CYTH3: variants seen among roughly 807,000 people sequenced by gnomAD.
CYTH3 encodes the protein cytohesin 3, also known as cytohesin-3.
A neutral mutation model predicts 55.1 loss-of-function variants in CYTH3; 23 were observed. The ratio of observed to expected loss-of-function variants is 0.42; its 90% CI spans 0.30 to 0.59. The LOEUF (loss-of-function observed/expected upper bound fraction) is 0.59, where lower values mean the gene tolerates loss of function less well. Ranked by LOEUF, CYTH3 falls within the 20% of genes least tolerant of loss-of-function variation. The pLI, the probability that CYTH3 is intolerant of heterozygous loss-of-function variation, is 0.20. For synonymous variants in CYTH3, 249 were observed against 194.9 expected (o/e 1.28, Z -2.31); for missense variants, 413 against 524.8 (o/e 0.79, Z 2.08).
rs1780551539 is a variant in CYTH3, at chr7:6,268,132, G to A, written c.34+4342C>T. 2.0e-5 allele frequency among the ~76,000 whole-genome samples: 3 copies of A among 152,106 alleles called. No individual in the cohort carries two copies. In the South Asian group the frequency reaches 6.2e-4, roughly 32 times the overall value. The stretch of plus-strand genomic sequence containing the variant: ...CCTCTTTCAAAACACAAGAATGGGA[G>A]CACGCAATGCACACTTTCCTACACT... On this transcript the variant is annotated intron_variant, in intron 1 of 12. Coordinates refer to ENST00000350796, the MANE Select transcript of CYTH3 (RefSeq NM_004227.4).
At chr7:6,252,195 A>G (rs1478105050) in intron 1 of CYTH3, among the ~76,000 whole-genome samples, 1 of 151,864 alleles carries the variant, frequency 6.6e-6, no homozygotes, top group Non-Finnish European at 1.5e-5. Context: ...CTACTGAACA[A>G]ATTTAAGAGA....
chr7:6,240,339 T>C (rs1779642996), intron 1 of CYTH3, among the ~76,000 whole-genome samples: 1 of 151,388 alleles, frequency 6.6e-6, no homozygotes, highest in Non-Finnish European at 1.5e-5. Context: ...CTGTTTCTTT[T>C]CTGTTGATGA....
chr7:6,255,163 CTT>C (rs1780065420), intron 1 of CYTH3, among the ~76,000 whole-genome samples: 1 of 152,072 alleles, frequency 6.6e-6, no homozygotes, highest in African/African-American at 2.4e-5. Context: ...GATTAAGTAA[CTT>C]ACACAAAATC....
In CYTH3 at chr7:6,248,571, T is replaced by C. The variant is rs562841693; in HGVS notation, c.34+23903A>G. Among the ~76,000 whole-genome samples, 6 of 152,252 alleles carry C rather than the reference T, an allele frequency of 3.9e-5. No homozygotes were observed. The South Asian group carries it at 1.2e-3, about 32-fold the overall frequency. On this transcript the variant is annotated intron_variant, in intron 1 of 12. Transcript: ENST00000350796. ...TGGCGCCCAGGAGAAGCTCTAGCAGTTTTGAGCGTGTTGAAGCCGCGTGTG... is the reference window on the plus strand; with the variant it reads ...TGGCGCCCAGGAGAAGCTCTAGCAGCTTTGAGCGTGTTGAAGCCGCGTGTG...
At chr7:6,231,018 C>A (rs1198257639) in intron 1 of CYTH3, among the ~76,000 whole-genome samples, 1 of 152,182 alleles carries the variant, frequency 6.6e-6, no homozygotes, top group Non-Finnish European at 1.5e-5. Flanking sequence ...ACTTTCCCCA[C>A]AGTCACCCCA....
chr7:6,245,321 A>T (rs1779781786), intron 1 of CYTH3, among the ~76,000 whole-genome samples: 1 of 152,198 alleles, frequency 6.6e-6, no homozygotes, highest in Admixed American at 6.5e-5. Context: ...TTTCATTTTG[A>T]TACCTAAATT....
intron 1 of CYTH3, among the ~76,000 whole-genome samples, chr7:6,192,889 G>T (rs765519621): frequency 2.6e-5 from 4 of 151,866 alleles, no homozygotes; most frequent in African/African-American, 9.7e-5. Context: ...GGGCAAATGG[G>T]GCCAGACACA....
At chr7:6,182,056 G>C (rs1423280197) in intron 4 of CYTH3, among the ~76,000 whole-genome samples, 3 of 151,158 alleles carry the variant, frequency 2.0e-5, no homozygotes, top group Non-Finnish European at 3.0e-5. Context: ...ATTTTGTTTT[G>C]TTTTTTTTGA....
chr7:6,219,968 A>C (rs753596667), intron 1 of CYTH3, among the ~76,000 whole-genome samples: 2 of 152,180 alleles, frequency 1.3e-5, no homozygotes, highest in Non-Finnish European at 2.9e-5. Flanking sequence ...CACACAGATG[A>C]ATGGAACAGA....
intron 1 of CYTH3, among the ~76,000 whole-genome samples, chr7:6,263,936 G>A (rs538881041): frequency 1.5e-4 from 22 of 149,618 alleles, no homozygotes; most frequent in Non-Finnish European, 2.5e-4. Flanking sequence ...GTGTGATCTC[G>A]GCTTTATAAT....
rs1267108723 is a variant in CYTH3, at chr7:6,234,568, T to A, written c.34+37906A>T. On this transcript the variant is annotated intron_variant, in intron 1 of 12. Transcript: ENST00000350796. ...CTCAGGCTCAACACCAAGGCCTGGA[T>A]GCTCATGAAGAGGGCTGGTCTCGGG... Among the ~76,000 whole-genome samples, 8 of 152,200 alleles carry A rather than the reference T, an allele frequency of 5.3e-5. No individual in the cohort carries two copies. In the East Asian group the frequency reaches 1.5e-3, roughly 29 times the overall value.
At position 6,171,146 on chromosome 7, in the gene CYTH3, C is replaced by A. The variant is rs1043986591; in HGVS notation, c.562+56G>T. On this transcript the variant is annotated intron_variant, in intron 7 of 12. Coordinates refer to ENST00000350796, the MANE Select transcript of CYTH3 (RefSeq NM_004227.4). The surrounding 1 kb of genome is among the most constrained non-coding windows in gnomAD (Gnocchi z 6.7). ...GGGCTGTGCCCACAGGGGCCGCCCC[C>A]TCCAGAGCTGGAGGCTGTGCCTGGC... 5 of 1,604,260 alleles carry A rather than the reference C, an allele frequency of 3.1e-6. No homozygotes were observed. Among genetic ancestry groups the A allele is most frequent in the East Asian group, 2.2e-5 (1 of 44,716 alleles).
chr7:6,225,886 G>A (rs2128552597), intron 1 of CYTH3, among the ~76,000 whole-genome samples: 1 of 151,778 alleles, frequency 6.6e-6, no homozygotes, highest in East Asian at 2.0e-4. Flanking sequence ...CACCATGTTG[G>A]CCAGACTGGT....
chr7:6,168,219 A>ATTTTTT (rs750700961), intron 9 of CYTH3, among the ~76,000 whole-genome samples: 1 of 121,616 alleles, frequency 8.2e-6, no homozygotes, highest in East Asian at 2.3e-4. Context: ...ACCTCCTAGG[A>ATTTTTT]TTTTTTTTTT....
chr7:6,172,592 G>GC lies in CYTH3; in HGVS notation c.449+1060dup, dbSNP rs897999424. ...CCCGCCCATCCTGTGCCTCCATCAG[G>GC]CCCTCTACGGGGCTATGCCAGGCTC... On this transcript the variant is annotated intron_variant, in intron 6 of 12. Transcript: ENST00000350796. 61 of 541,564 alleles carry GC rather than the reference G, an allele frequency of 1.1e-4. No homozygotes were observed. In the African/African-American group the frequency reaches 1.2e-3, roughly 11 times the overall value. 33.5% of individuals were successfully genotyped at this position (541,564 alleles called of 1,614,324 possible). A position where few individuals can be genotyped will look rare whatever the true frequency, so the allele number is the denominator to read the frequency against.
At chr7:6,251,037 G>A (rs1365994964) in intron 1 of CYTH3, among the ~76,000 whole-genome samples, 1 of 152,168 alleles carries the variant, frequency 6.6e-6, no homozygotes, top group Non-Finnish European at 1.5e-5. Context: ...CCAGCACTTT[G>A]GGAGGCCAAG....
chr7:6,172,854 G>A, intron 6 of CYTH3: 1 of 1,274,982 alleles, frequency 7.8e-7, no homozygotes, highest in South Asian at 1.3e-5. Context: ...AGGCTGCGCT[G>A]TGAGCACAAC....
intron 5 of CYTH3, among the ~76,000 whole-genome samples, chr7:6,174,045 G>A (rs891584372): frequency 9.2e-5 from 14 of 151,778 alleles, no homozygotes; most frequent in African/African-American, 3.4e-4. Context: ...TGGAATTACT[G>A]GGTTCCATGT....
chr7:6,203,777 GGCCCAATCTCGGCTCACTGCAA>G (rs1784116578), intron 1 of CYTH3, among the ~76,000 whole-genome samples: 1 of 151,312 alleles, frequency 6.6e-6, no homozygotes, highest in African/African-American at 2.4e-5. Context: ...GGAATGCAAT[GGCCCAATCTCGGCTCACTGCAA>G]GCTCCGCCTC....
Sources: allele counts gnomAD v4.1 joint callset (sites outside exome capture counted in the v4.1 genomes callset), GRCh38; gene constraint gnomAD v4.1.1; non-coding constraint Gnocchi (gnomAD v3.1); transcripts MANE v1.5; gene names NCBI Gene and HGNC (gene_info 2026-07-23, HGNC 2026-07-21).